Variants in ARMC9 observed in about 807,000 individuals in gnomAD.
ARMC9 encodes the protein armadillo repeat containing 9.
ARMC9 carries 94 observed loss-of-function variants against 107.0 expected under a neutral mutation model. The observed-to-expected ratio is 0.88, with a 90% confidence interval of 0.74 to 1.04. The LOEUF (loss-of-function observed/expected upper bound fraction) is 1.04. ARMC9 is among the 50% of genes least tolerant of loss of function. The pLI, the probability that ARMC9 is intolerant of heterozygous loss-of-function variation, is 0.00. For missense variants in ARMC9, 942 were observed against 1,030.1 expected, an observed-to-expected ratio of 0.91 and a Z score of 1.17; for synonymous variants, 380 against 396.9, an observed-to-expected ratio of 0.96 and a Z score of 0.51.
At chr2:231,260,744 C>A (rs1017114568) in intron 11 of ARMC9, among the ~76,000 whole-genome samples, 3 of 152,176 alleles carry the variant, frequency 2.0e-5, no homozygotes, top group Non-Finnish European at 2.9e-5. Flanking sequence ...ATCTTTTATG[C>A]GGCTCTTGGT....
chr2:231,376,815 G>GATGTCTCC lies in ARMC9; in HGVS notation c.*5281_*5288dup, dbSNP rs942109076. Among the ~76,000 whole-genome samples, 69 of 152,216 alleles carry GATGTCTCC rather than the reference G, an allele frequency of 4.5e-4. No individual in the cohort carries two copies. Among genetic ancestry groups the GATGTCTCC allele is most frequent in the African/African-American group, 1.6e-3 (68 of 41,508 alleles). On this transcript the variant is annotated 3_prime_UTR_variant, in exon 25 of 25. Coordinates refer to ENST00000611582, the MANE Select transcript of ARMC9 (RefSeq NM_001352754.2). Reference sequence around the variant, plus strand: ...GGCATCACGGATCCTACCAACGTGTGATGTCTCCCCCGGACACCCAGCTTT... The same window carrying GATGTCTCC: ...GGCATCACGGATCCTACCAACGTGTGATGTCTCCATGTCTCCCCCGGACACCCAGCTTT...
In ARMC9 at chr2:231,212,846, G is replaced by A. The variant is rs1034232864; in HGVS notation, c.178-1985G>A. Reference sequence around the variant, plus strand: ...GTGTCCGGGAGGAACAGAAGAGCCAGCCTTGAGGAGGTAGATGCTCATTGT... The same window carrying A: ...GTGTCCGGGAGGAACAGAAGAGCCAACCTTGAGGAGGTAGATGCTCATTGT... On this transcript the variant is annotated intron_variant, in intron 3 of 24. Transcript: ENST00000611582. Among the ~76,000 whole-genome samples, 3 of 152,338 alleles carry A rather than the reference G, an allele frequency of 2.0e-5. No individual in the cohort carries two copies. In the East Asian group the frequency reaches 5.8e-4, roughly 29 times the overall value.
intron 8 of ARMC9, 73 bp from the exon 9 acceptor site, chr2:231,239,870 A>T: frequency 7.7e-7 from 1 of 1,296,760 alleles, no homozygotes; most frequent in Non-Finnish European, 1.1e-6. Flanking sequence ...CACTCTAACA[A>T]TTGCCAGCGT....
At chr2:231,209,104 A>G (rs1038077011) in intron 3 of ARMC9, among the ~76,000 whole-genome samples, 4 of 152,056 alleles carry the variant, frequency 2.6e-5, no homozygotes, top group South Asian at 4.2e-4. Flanking sequence ...GTTTCACTAC[A>G]TTGGCCAGGC....
At chr2:231,252,018 GTAA>G (rs1475098364) in intron 9 of ARMC9, among the ~76,000 whole-genome samples, 1 of 152,172 alleles carries the variant, frequency 6.6e-6, no homozygotes, top group Non-Finnish European at 1.5e-5. Flanking sequence ...TACTAAAGTT[GTAA>G]TAATGTTTAT....
At chr2:231,309,816 A>T (rs956826095) in intron 19 of ARMC9, among the ~76,000 whole-genome samples, 3 of 152,120 alleles carry the variant, frequency 2.0e-5, no homozygotes, top group Admixed American at 6.5e-5. Context: ...CAAGTGGGAA[A>T]ATCCAACTAA....
At chr2:231,209,866 T>C (rs1023749960) in intron 3 of ARMC9, among the ~76,000 whole-genome samples, 1 of 152,156 alleles carries the variant, frequency 6.6e-6, no homozygotes, top group Non-Finnish European at 1.5e-5. Context: ...AAAAATTATG[T>C]GGAGACAGGG....
intron 8 of ARMC9, among the ~76,000 whole-genome samples, chr2:231,237,055 A>G (rs2035778570): frequency 6.6e-6 from 1 of 152,276 alleles, no homozygotes; most frequent in Non-Finnish European, 1.5e-5. Flanking sequence ...GAAACAGTTC[A>G]GAGAAGCGTG....
intron 3 of ARMC9, among the ~76,000 whole-genome samples, chr2:231,209,171 G>A (rs1263315846): frequency 6.6e-6 from 1 of 152,088 alleles, no homozygotes; most frequent in Non-Finnish European, 1.5e-5. Flanking sequence ...CAAAAGTGCT[G>A]AGGTTACAGA....
At chr2:231,276,610 A>G (rs1679696541) in intron 14 of ARMC9, 26 bp from the exon 15 acceptor site, 2 of 1,613,586 alleles carry the variant, frequency 1.2e-6, no homozygotes, top group African/African-American at 1.3e-5. Context: ...GGCAGTTTGT[A>G]TTTACCGTAG....
In ARMC9 at chr2:231,360,995, C is replaced by G; in HGVS notation, c.2261+112C>G. 1 of 1,409,198 alleles carries G rather than the reference C, an allele frequency of 7.1e-7. No homozygotes were observed. The highest frequency in any genetic ancestry group is 1.5e-5 in the South Asian group (1 of 67,130). 87.3% of individuals were successfully genotyped at this position (1,409,198 alleles called of 1,614,324 possible). A position where few individuals can be genotyped will look rare whatever the true frequency, so the allele number is the denominator to read the frequency against. On this transcript the variant is annotated intron_variant, in intron 23 of 24. Coordinates refer to ENST00000611582, the MANE Select transcript of ARMC9 (RefSeq NM_001352754.2). This position sits in a 1 kb window ranked among gnomAD's most constrained non-coding sequence, Gnocchi z 4.7. ...CCTGGAAGGCTCCTCTGAGGCCCAG[C>G]CTCTGACAGGGGAGGCTAAGGAGCA...
rs564948357 is a variant in ARMC9 at position 231,272,358 on chromosome 2, T to C, written c.1211-597T>C. Among the ~76,000 whole-genome samples, 32 of 152,142 alleles carry C rather than the reference T, an allele frequency of 2.1e-4. 1 individual carries two copies. Among genetic ancestry groups the C allele is most frequent in the African/African-American group, 7.5e-4 (31 of 41,526 alleles). On this transcript the variant is annotated intron_variant, in intron 13 of 24. Coordinates refer to ENST00000611582, the MANE Select transcript of ARMC9 (RefSeq NM_001352754.2). ...ACAGGTGTGCATCATCATACCTGGC[T>C]AATGTTCCTTAGTTTTTATAGAGAT...
intron 9 of ARMC9, among the ~76,000 whole-genome samples, chr2:231,243,624 A>G (rs2036502071): frequency 1.3e-5 from 2 of 152,214 alleles, no homozygotes; most frequent in Admixed American, 1.3e-4. Context: ...GCTTAGTGAT[A>G]ACCATTCTCC....
At chr2:231,291,226 C>T (rs1194551295) in intron 17 of ARMC9, 127 bp from the exon 18 acceptor site, 2 of 698,292 alleles carry the variant, frequency 2.9e-6, no homozygotes, top group Non-Finnish European at 5.0e-6. Context: ...TTCTCTGTCC[C>T]CCACCCAAGG....
intron 12 of ARMC9, among the ~76,000 whole-genome samples, chr2:231,269,879 C>G (rs2125429299): frequency 6.7e-6 from 1 of 148,628 alleles, no homozygotes; most frequent in African/African-American, 2.5e-5. Flanking sequence ...CCACCCTCCC[C>G]CCCTATTTGT....
intron 23 of ARMC9, among the ~76,000 whole-genome samples, chr2:231,367,016 A>C (rs1470460745): frequency 2.6e-5 from 4 of 151,060 alleles, no homozygotes; most frequent in African/African-American, 9.7e-5. Context: ...ACGCCTGGCT[A>C]ATTTTTTGTG....
chr2:231,276,676 T>A lies in ARMC9; in HGVS notation c.1375T>A (p.Phe459Ile). The A allele has an allele frequency of 6.2e-7, 1 of 1,614,224 alleles. No individual in the cohort carries two copies. Among genetic ancestry groups the A allele is most frequent in the Middle Eastern group, 1.6e-4 (1 of 6,062 alleles). ...QTAMIQDGLI[F>I]WLVDVLKDPD... ...AGCGATGATTCAAGACGGCCTCATC[T>A]TCTGGCTGGTTGATGTTCTGAAGGA... The change falls in exon 15 of 25, where the codon TTC becomes ATC. Residue 459 changes from phenylalanine (F) to isoleucine (I), a missense_variant. By Grantham distance (21) the Phe-to-Ile change is conservative. Coordinates refer to ENST00000611582, the MANE Select transcript of ARMC9 (RefSeq NM_001352754.2).
rs145105408 is a variant in ARMC9 at position 231,342,986 on chromosome 2, T to G, written c.1879-1989T>G. Among the ~76,000 whole-genome samples the G allele has an allele frequency of 4.5e-3, 690 of 152,218 alleles. 6 individuals are homozygous for G. The highest frequency in any genetic ancestry group is 0.016 in the African/African-American group (651 of 41,534). ...TGGAGTGCAATGGTGCCATCTCGGC[T>G]CACTGCAACCTCCACCTCCCTGGTT... On this transcript the variant is annotated intron_variant, in intron 20 of 24. Coordinates refer to ENST00000611582, the MANE Select transcript of ARMC9 (RefSeq NM_001352754.2).
chr2:231,318,538 C>A (rs1391582465), intron 19 of ARMC9, among the ~76,000 whole-genome samples: 2 of 152,154 alleles, frequency 1.3e-5, no homozygotes, highest in East Asian at 3.9e-4. Context: ...CCTTCAATTT[C>A]TAGCAGCTGT....
Sources: allele counts gnomAD v4.1 joint callset (sites outside exome capture counted in the v4.1 genomes callset), GRCh38; gene constraint gnomAD v4.1.1; non-coding constraint Gnocchi (gnomAD v3.1); transcripts MANE v1.5; gene names NCBI Gene and HGNC (gene_info 2026-07-23, HGNC 2026-07-21).